The following BMPR1B variants were observed in gnomAD, a reference collection of about 807,000 sequenced individuals.
BMPR1B encodes the protein bone morphogenetic protein receptor type-1B.
BMPR1B carries 12 observed loss-of-function variants against 59.1 expected under a neutral mutation model. The ratio of observed to expected loss-of-function variants is 0.20; its 90% CI spans 0.13 to 0.33. The LOEUF is 0.33. Among genes scored for constraint, BMPR1B ranks in the 10% least tolerant of loss-of-function variants. The pLI is 1.00. For missense variants in BMPR1B, 550 were observed against 610.9 expected (o/e 0.90, Z 1.05); for synonymous variants, 237 against 207.3 (o/e 1.14, Z -1.23).
At chr4:94,766,687 A>AT (rs994773223) in intron 1 of BMPR1B, among the ~76,000 whole-genome samples, 5 of 151,688 alleles carry the variant, frequency 3.3e-5, no homozygotes, top group Non-Finnish European at 7.4e-5. Flanking sequence ...TATTATTATT[A>AT]TTTTTTACCA....
chr4:94,830,888 A>G (rs976316118), intron 1 of BMPR1B, among the ~76,000 whole-genome samples: 2 of 152,224 alleles, frequency 1.3e-5, no homozygotes, highest in African/African-American at 4.8e-5. Flanking sequence ...AGTATAGCAC[A>G]ATGACAATTA....
chr4:94,805,948 G>T lies in BMPR1B; in HGVS notation c.-183+47880G>T, dbSNP rs147038146. Among the ~76,000 whole-genome samples, 1,075 of 152,246 alleles carry T rather than the reference G, an allele frequency of 7.1e-3. 10 individuals carry two copies. Among genetic ancestry groups the T allele is most frequent in the African/African-American group, 0.024 (982 of 41,552 alleles). On this transcript the variant is annotated intron_variant, in intron 1 of 12. Coordinates refer to ENST00000515059, the MANE Select transcript of BMPR1B (RefSeq NM_001203.3). ...CAGTAATAACAATATTACAGGAGAA[G>T]ATTTTCCATGCAACCTAGAAACTCC...
chr4:94,806,893 A>G (rs892824535), intron 1 of BMPR1B, among the ~76,000 whole-genome samples: 13 of 152,086 alleles, frequency 8.5e-5, no homozygotes, highest in Admixed American at 5.2e-4. Context: ...ACTATATGCT[A>G]TATTTTACAT....
intron 2 of BMPR1B, among the ~76,000 whole-genome samples, chr4:94,944,862 C>T (rs538646876): frequency 6.6e-6 from 1 of 152,186 alleles, no homozygotes; most frequent in South Asian, 2.1e-4. Flanking sequence ...TAATAGATTC[C>T]AGCTTTTTTC....
intron 3 of BMPR1B, among the ~76,000 whole-genome samples, chr4:95,008,104 T>G (rs1278572479): frequency 6.6e-6 from 1 of 152,182 alleles, no homozygotes; most frequent in African/African-American, 2.4e-5. Flanking sequence ...AGTAATATTT[T>G]CCTGACTATT....
At chr4:95,151,367 G>A (rs1292819748) in intron 11 of BMPR1B, among the ~76,000 whole-genome samples, 2 of 152,194 alleles carry the variant, frequency 1.3e-5, no homozygotes, top group Non-Finnish European at 2.9e-5. Flanking sequence ...GGGTTAAAGA[G>A]ATGTGGGCTT....
rs774166834 is a variant in BMPR1B, at chr4:94,996,037, C to G, written c.-112-3C>G. ...CTGAAAATGTATTCTTTCTAACTGTCAGGTTCAGACTTCTGCTGATTCATA... is the reference window on the plus strand; with the variant it reads ...CTGAAAATGTATTCTTTCTAACTGTGAGGTTCAGACTTCTGCTGATTCATA... On this transcript the variant is annotated splice_polypyrimidine_tract_variant and splice_region_variant and intron_variant, in intron 2 of 12. Coordinates refer to ENST00000515059, the MANE Select transcript of BMPR1B (RefSeq NM_001203.3). The G allele has an allele frequency of 6.6e-6, 1 of 152,166 alleles. No homozygotes were observed. Among genetic ancestry groups the G allele is most frequent in the Non-Finnish European group, 1.5e-5 (1 of 68,034 alleles). 9.4% of individuals were successfully genotyped at this position (152,166 alleles called of 1,614,324 possible). A position where few individuals can be genotyped will look rare whatever the true frequency, so the allele number is the denominator to read the frequency against.
intron 10 of BMPR1B, among the ~76,000 whole-genome samples, chr4:95,131,776 AT>A (rs1295917668): frequency 6.6e-6 from 1 of 152,210 alleles, no homozygotes; most frequent in Non-Finnish European, 1.5e-5. Context: ...GAAGTAGCTA[AT>A]TCCTGGGAAT....
At position 94,848,982 on chromosome 4, in the gene BMPR1B, T is replaced by C. The variant is rs79078995; in HGVS notation, c.-182-26849T>C. Reference sequence around the variant, plus strand: ...ATGGGTGAAACCAGAAATTCATTTTTAGATACACTGAGATGTCAATTAAAA... The same window carrying C: ...ATGGGTGAAACCAGAAATTCATTTTCAGATACACTGAGATGTCAATTAAAA... On this transcript the variant is annotated intron_variant, in intron 1 of 12. Transcript: ENST00000515059. 6.8e-3 allele frequency among the ~76,000 whole-genome samples: 1,039 copies of C among 152,304 alleles called. 11 individuals carry two copies. Among genetic ancestry groups the C allele is most frequent in the African/African-American group, 0.023 (960 of 41,562 alleles).
intron 1 of BMPR1B, among the ~76,000 whole-genome samples, chr4:94,845,385 C>G (rs58655577): frequency 6.6e-6 from 1 of 150,720 alleles, no homozygotes; most frequent in African/African-American, 2.5e-5. Context: ...CTCTGTCGCC[C>G]AGGCTGGAGT....
At chr4:95,064,595 A>G (rs1727659798) in intron 3 of BMPR1B, among the ~76,000 whole-genome samples, 1 of 152,222 alleles carries the variant, frequency 6.6e-6, no homozygotes, top group African/African-American at 2.4e-5. Context: ...GTGAAAAGAC[A>G]GTCCACATAA....
chr4:94,877,343 T>C (rs967500954), intron 2 of BMPR1B, among the ~76,000 whole-genome samples: 1 of 152,220 alleles, frequency 6.6e-6, no homozygotes, highest in Non-Finnish European at 1.5e-5. Flanking sequence ...TTTTGAGTCA[T>C]GCTTCCAGTT....
intron 2 of BMPR1B, among the ~76,000 whole-genome samples, chr4:94,944,537 A>G (rs1215660606): frequency 6.6e-6 from 1 of 152,230 alleles, no homozygotes; most frequent in Non-Finnish European, 1.5e-5. Flanking sequence ...CATGTATGTG[A>G]TAACTAAAGA....
In BMPR1B at chr4:95,116,421, G is replaced by GCGCGCACACACACACACACA; in HGVS notation, c.349+635_349+636insGCGCACACACACACACACAC. 1.4e-3 allele frequency among the ~76,000 whole-genome samples: 178 copies of GCGCGCACACACACACACACA among 123,234 alleles called. 2 individuals carry two copies. The highest frequency in any genetic ancestry group is 5.7e-3 in the African/African-American group (159 of 27,848). The allele number at this position is 123,234 out of a possible 152,430, so 80.8% of individuals were successfully genotyped here. On this transcript the variant is annotated intron_variant, in intron 6 of 12. Coordinates refer to ENST00000515059, the MANE Select transcript of BMPR1B (RefSeq NM_001203.3). ...CTCCTCCTCCATGCTTTCAGCGCGCGCACACACACACACACACACACACAC... is the reference window on the plus strand; with the variant it reads ...CTCCTCCTCCATGCTTTCAGCGCGCGCGCGCACACACACACACACACACACACACACACACACACACACAC...
chr4:94,829,258 A>G (rs775878237), intron 1 of BMPR1B, among the ~76,000 whole-genome samples: 5 of 150,626 alleles, frequency 3.3e-5, no homozygotes, highest in Non-Finnish European at 3.0e-5. Context: ...CTCTCAATTT[A>G]TTCCAATAGG....
chr4:94,894,979 A>G (rs1470679232), intron 2 of BMPR1B, among the ~76,000 whole-genome samples: 1 of 152,040 alleles, frequency 6.6e-6, no homozygotes, highest in Non-Finnish European at 1.5e-5. Flanking sequence ...ATTAGGCAGA[A>G]AAGTTATTCT....
intron 3 of BMPR1B, among the ~76,000 whole-genome samples, chr4:95,050,101 T>C (rs1230693914): frequency 6.6e-6 from 1 of 152,148 alleles, no homozygotes; most frequent in Non-Finnish European, 1.5e-5. Flanking sequence ...TGAATGTGGC[T>C]CTGAGCCCAA....
chr4:94,895,255 A>T (rs1204216988), intron 2 of BMPR1B, among the ~76,000 whole-genome samples: 3 of 152,058 alleles, frequency 2.0e-5, no homozygotes, highest in Non-Finnish European at 4.4e-5. Flanking sequence ...TTATTCAAAG[A>T]TGGCAGCACA....
At chr4:94,760,887 A>G (rs1304325693) in intron 1 of BMPR1B, among the ~76,000 whole-genome samples, 4 of 152,226 alleles carry the variant, frequency 2.6e-5, no homozygotes, top group African/African-American at 9.6e-5. Flanking sequence ...AGCTCAAGGA[A>G]AATACTTAAG....
Sources: allele counts gnomAD v4.1 joint callset (sites outside exome capture counted in the v4.1 genomes callset), GRCh38; gene constraint gnomAD v4.1.1; transcripts MANE v1.5; gene names NCBI Gene and HGNC (gene_info 2026-07-23, HGNC 2026-07-21).